TNS3: variants seen among roughly 807,000 people sequenced by gnomAD.
TNS3 encodes tensin 3.
TNS3 carries 45 observed loss-of-function variants against 140.9 expected under a neutral mutation model. That is an observed-to-expected ratio of 0.32 (90% CI 0.25 to 0.41). The LOEUF is 0.41. Among genes scored for constraint, TNS3 ranks in the 10% least tolerant of loss-of-function variants. The pLI is 1.00. For synonymous variants in TNS3, 815 were observed against 788.4 expected (o/e 1.03, Z -0.56); for missense variants, 1,716 against 1,906.7 (o/e 0.90, Z 1.86).
intron 9 of TNS3, among the ~76,000 whole-genome samples, chr7:47,426,511 C>T (rs1226539876): frequency 2.6e-5 from 4 of 152,130 alleles, no homozygotes; most frequent in South Asian, 4.2e-4. Context: ...ATCACAGCAG[C>T]GTTAATGATA....
chr7:47,372,550 G>A (rs1562652833), intron 16 of TNS3, among the ~76,000 whole-genome samples: 1 of 152,300 alleles, frequency 6.6e-6, no homozygotes, highest in Non-Finnish European at 1.5e-5. Context: ...CCTCTCCTGG[G>A]GGGAGGGTAT....
At chr7:47,374,578 C>T (rs1474783802) in intron 16 of TNS3, among the ~76,000 whole-genome samples, 1 of 152,176 alleles carries the variant, frequency 6.6e-6, no homozygotes, top group Non-Finnish European at 1.5e-5. Context: ...AGAATCATGA[C>T]TAGAAAAGAC....
intron 1 of TNS3, among the ~76,000 whole-genome samples, chr7:47,558,784 T>C (rs73695390): frequency 6.2e-4 from 95 of 152,170 alleles, no homozygotes; most frequent in African/African-American, 2.2e-3. Flanking sequence ...GGGACATTCC[T>C]CTGTGTACAC....
At chr7:47,436,540 T>C (rs1795189408) in intron 7 of TNS3, among the ~76,000 whole-genome samples, 1 of 152,156 alleles carries the variant, frequency 6.6e-6, no homozygotes, top group African/African-American at 2.4e-5. Context: ...ATGGCATATG[T>C]GTATCTATGT....
At chr7:47,498,566 T>C (rs1015314483) in intron 3 of TNS3, among the ~76,000 whole-genome samples, 1 of 152,254 alleles carries the variant, frequency 6.6e-6, no homozygotes, top group Admixed American at 6.5e-5. Flanking sequence ...AAACACAGGA[T>C]ACATTTTAAA....
At chr7:47,559,175 C>T (rs988018186) in intron 1 of TNS3, among the ~76,000 whole-genome samples, 3 of 152,176 alleles carry the variant, frequency 2.0e-5, no homozygotes, top group African/African-American at 7.2e-5. Context: ...TATGGTGAAA[C>T]TCCATCTCTA....
chr7:47,547,923 C>T (rs183354403), intron 1 of TNS3, among the ~76,000 whole-genome samples: 13 of 152,290 alleles, frequency 8.5e-5, no homozygotes, highest in East Asian at 3.9e-4. Flanking sequence ...CAACTCCTGA[C>T]GGAGTCTCAC....
intron 4 of TNS3, among the ~76,000 whole-genome samples, chr7:47,457,824 G>A (rs1796321307): frequency 6.6e-6 from 1 of 152,182 alleles, no homozygotes; most frequent in African/African-American, 2.4e-5. Flanking sequence ...CTACAGACAG[G>A]TTACTCTGGG....
intron 10 of TNS3, among the ~76,000 whole-genome samples, chr7:47,416,236 A>T (rs1276738526): frequency 6.6e-6 from 1 of 152,236 alleles, no homozygotes; most frequent in Non-Finnish European, 1.5e-5. Context: ...CTGAGGCAGG[A>T]AGTGGCAGGT....
intron 20 of TNS3, among the ~76,000 whole-genome samples, chr7:47,333,301 G>A (rs1788443648): frequency 6.6e-6 from 1 of 152,202 alleles, no homozygotes; most frequent in South Asian, 2.1e-4. Context: ...GTTGGAGGAG[G>A]CTGCGATGTT....
In TNS3 at chr7:47,545,454, T is replaced by C. The variant is rs1799895843; in HGVS notation, c.-264-16307A>G. ...ACTCCCCTCCCATAGAAATCTCTGT[T>C]ACTGTTTGATGTGGACAAGGCGCCC... is the stretch of plus-strand genomic sequence containing the variant. On this transcript the variant is annotated intron_variant, in intron 1 of 30. Transcript: ENST00000311160. 2.0e-5 allele frequency among the ~76,000 whole-genome samples: 3 copies of C among 147,350 alleles called. No homozygotes were observed. The South Asian group carries it at 6.2e-4, about 31-fold the overall frequency.
chr7:47,404,155 C>A (rs1457578278), intron 13 of TNS3, among the ~76,000 whole-genome samples: 1 of 152,112 alleles, frequency 6.6e-6, no homozygotes, highest in African/African-American at 2.4e-5. Context: ...TAAGAAATAG[C>A]AAGCACCACA....
intron 3 of TNS3, among the ~76,000 whole-genome samples, chr7:47,485,387 T>C (rs1017975037): frequency 1.3e-5 from 2 of 152,170 alleles, no homozygotes; most frequent in Non-Finnish European, 2.9e-5. Context: ...AGAAGCTGCG[T>C]CTCAGAGAGG....
intron 23 of TNS3, 136 bp downstream of exon 23, chr7:47,302,050 G>A: frequency 1.5e-6 from 1 of 680,584 alleles, no homozygotes; most frequent in Non-Finnish European, 2.6e-6. Context: ...GGAATAACGT[G>A]TGGGCCCTGC....
intron 3 of TNS3, among the ~76,000 whole-genome samples, chr7:47,502,132 C>T (rs1290015401): frequency 6.6e-6 from 1 of 152,166 alleles, no homozygotes. Context: ...ATGCAACGCC[C>T]ATGAATTCTG....
intron 20 of TNS3, among the ~76,000 whole-genome samples, chr7:47,327,846 C>G (rs992694266): frequency 2.6e-5 from 4 of 151,684 alleles, no homozygotes; most frequent in Non-Finnish European, 4.4e-5. Flanking sequence ...CTCCCCACCC[C>G]CCTCCACTGG....
intron 4 of TNS3, among the ~76,000 whole-genome samples, chr7:47,446,917 C>T (rs909726422): frequency 2.0e-5 from 3 of 151,434 alleles, no homozygotes; most frequent in Admixed American, 6.6e-5. Flanking sequence ...GCTGCTCTGA[C>T]GCTCAAGCAA....
chr7:47,380,598 C>T (rs1791694125), intron 16 of TNS3, among the ~76,000 whole-genome samples: 1 of 152,176 alleles, frequency 6.6e-6, no homozygotes, highest in Non-Finnish European at 1.5e-5. Flanking sequence ...TCCATAACGC[C>T]CTCTCCTCCT....
rs926115731 is a variant in TNS3, at chr7:47,280,366, T to C, written c.4098-12A>G. 9 of 1,613,824 alleles carry C rather than the reference T, an allele frequency of 5.6e-6. No individual in the cohort carries two copies. In the East Asian group the frequency reaches 1.1e-4, roughly 20 times the overall value. On this transcript the variant is annotated splice_polypyrimidine_tract_variant and intron_variant, in intron 28 of 30. Coordinates refer to ENST00000311160, the MANE Select transcript of TNS3 (RefSeq NM_022748.12). ...TCCGGAAGAAGAGCCTGTTGGGACA[T>C]GGGGGAGAGAGGATGGCTCCTGTTA...
Sources: allele counts gnomAD v4.1 joint callset (sites outside exome capture counted in the v4.1 genomes callset), GRCh38; gene constraint gnomAD v4.1.1; transcripts MANE v1.5; gene names NCBI Gene and HGNC (gene_info 2026-07-23, HGNC 2026-07-21).